SEC14L1: variants seen among roughly 807,000 people sequenced by gnomAD.
The protein encoded by SEC14L1 is SEC14 like lipid binding 1, also known as SEC14-like protein 1.
SEC14L1 carries 48 observed loss-of-function variants against 85.3 expected under a neutral mutation model. That is an observed-to-expected ratio of 0.56 (90% CI 0.45 to 0.72). SEC14L1 has a LOEUF of 0.72. Ranked by LOEUF, SEC14L1 falls within the 30% of genes least tolerant of loss-of-function variation. SEC14L1 has a pLI of 0.00. For synonymous variants in SEC14L1, 391 were observed against 355.5 expected, an observed-to-expected ratio of 1.10 and a Z score of -1.12; for missense variants, 682 against 921.4, an observed-to-expected ratio of 0.74 and a Z score of 3.36.
At position 77,190,912 on chromosome 17, in the gene SEC14L1, G is replaced by A. The variant is rs781370833; in HGVS notation, c.173G>A (p.Arg58His). ...EDGAIHVIER[R>H]CKLDVDAPRL... is the part of the protein sequence containing the mutation. ...GGGGCTATTCATGTCATTGAAAGGC[G>A]CTGCAAGCTGGATGTAGATGCACCC... Residue 58 changes from arginine to histidine, a missense_variant, in exon 4 of 17, where the codon CGC (arginine) becomes CAC (histidine). Arg to His is a conservative substitution (Grantham distance 29, BLOSUM62 0). This residue lies in a region of SEC14L1 where 139 missense variants were observed against 201.3 expected (regional missense o/e 0.69). Transcript: ENST00000436233. 20 of 1,614,086 alleles carry A rather than the reference G, an allele frequency of 1.2e-5. No individual in the cohort carries two copies. Among genetic ancestry groups the A allele is most frequent in the African/African-American group, 2.7e-5 (2 of 74,930 alleles).
At chr17:77,211,861 C>G in intron 14 of SEC14L1, 89 bp from the exon 15 acceptor site, 3 of 1,536,294 alleles carry the variant, frequency 2.0e-6, no homozygotes, top group South Asian at 2.4e-5. Context: ...AGCACCTGCA[C>G]CCTGGATCCC....
chr17:77,133,899 A>G (rs1277802260), intron 3 of SEC14L1, among the ~76,000 whole-genome samples: 2 of 141,972 alleles, frequency 1.4e-5, no homozygotes, highest in Non-Finnish European at 3.0e-5. Context: ...AGATCATGCC[A>G]CTGTACTCCA....
At chr17:77,119,058 C>T (rs1972239722) in intron 3 of SEC14L1, among the ~76,000 whole-genome samples, 1 of 152,040 alleles carries the variant, frequency 6.6e-6, no homozygotes, top group South Asian at 2.1e-4. Flanking sequence ...GTCTGTAATC[C>T]CAGCACTTTG....
intron 9 of SEC14L1, among the ~76,000 whole-genome samples, chr17:77,201,764 T>C (rs1413863377): frequency 6.6e-6 from 1 of 152,196 alleles, no homozygotes; most frequent in Non-Finnish European, 1.5e-5. Context: ...AAATGTGTCT[T>C]ATTAAACGTT....
intron 3 of SEC14L1, chr17:77,093,452 C>T (rs896664488): frequency 1.2e-4 from 19 of 152,174 alleles, no homozygotes; most frequent in African/African-American, 4.3e-4. Flanking sequence ...ACCACATACT[C>T]TGTGGTTCCT....
intron 2 of SEC14L1, among the ~76,000 whole-genome samples, chr17:77,090,255 A>G (rs1371805656): frequency 2.7e-5 from 4 of 150,852 alleles, no homozygotes; most frequent in African/African-American, 7.3e-5. Flanking sequence ...TCGCGCCACT[A>G]TACTGCAGCC....
intron 3 of SEC14L1, among the ~76,000 whole-genome samples, chr17:77,101,267 C>T (rs1293978046): frequency 6.6e-6 from 1 of 152,078 alleles, no homozygotes; most frequent in African/African-American, 2.4e-5. Flanking sequence ...TCACTGCAAC[C>T]CCAGTCTCCC....
chr17:77,211,002 G>C (rs1976723831), intron 14 of SEC14L1: 1 of 152,434 alleles, frequency 6.6e-6, no homozygotes. Context: ...GGATGGAGCT[G>C]CCTGGGGAGC....
At position 77,200,796 on chromosome 17, in the gene SEC14L1, C is replaced by T. The variant is rs1222874843; in HGVS notation, c.1009+123C>T. On this transcript the variant is annotated intron_variant, in intron 9 of 16. Transcript: ENST00000436233. ...CTTGAGTGCATCGTTTCTCCTCACT[C>T]TGAGAATTTGGCACCTTTCCCAAGT... 4.3e-6 allele frequency: 4 copies of T among 924,418 alleles called. No homozygotes were observed. The African/African-American group carries it at 5.0e-5, about 12-fold the overall frequency. 57.3% of individuals were successfully genotyped at this position (924,418 alleles called of 1,614,324 possible).
At chr17:77,195,018 A>T (rs1975734931) in intron 7 of SEC14L1, 107 bp downstream of exon 7, 1 of 767,796 alleles carries the variant, frequency 1.3e-6, no homozygotes, top group South Asian at 1.7e-5. Flanking sequence ...ACATTAGATA[A>T]CTCAGAAAGG....
chr17:77,140,372 C>A (rs1972942795), upstream of SEC14L1, among the ~76,000 whole-genome samples: 1 of 152,238 alleles, frequency 6.6e-6, no homozygotes, highest in Admixed American at 6.5e-5. Flanking sequence ...CCTCCCGAGC[C>A]CTGGGCCGCG....
At chr17:77,153,593 C>T (rs2143584154) in intron 3 of SEC14L1, among the ~76,000 whole-genome samples, 1 of 152,182 alleles carries the variant, frequency 6.6e-6, no homozygotes, top group South Asian at 2.1e-4. Context: ...GTACTGAAAG[C>T]AGGTGAGAGG....
intron 3 of SEC14L1, among the ~76,000 whole-genome samples, chr17:77,117,628 A>C (rs920887704): frequency 6.6e-6 from 1 of 152,184 alleles, no homozygotes. Flanking sequence ...GAATTGCTCA[A>C]GAAAACCCAG....
chr17:77,187,197 G>A (rs1975303441), intron 3 of SEC14L1, among the ~76,000 whole-genome samples: 1 of 152,130 alleles, frequency 6.6e-6, no homozygotes, highest in African/African-American at 2.4e-5. Context: ...CTGGTCCCAG[G>A]CATTTTGGAG....
At position 77,195,404 on chromosome 17, in the gene SEC14L1, C is replaced by T. The variant is rs189869863; in HGVS notation, c.709+493C>T. On this transcript the variant is annotated intron_variant, in intron 7 of 16. Transcript: ENST00000436233. ...TGCCATCTTGGCTCACTGCAACCTC[C>T]GTCTCCCGGGTTCAAGTGATTTTCC... is the stretch of plus-strand genomic sequence containing the variant. Among the ~76,000 whole-genome samples the T allele has an allele frequency of 3.9e-3, 595 of 152,156 alleles. 5 individuals carry two copies. Among genetic ancestry groups the T allele is most frequent in the African/African-American group, 0.014 (571 of 41,528 alleles).
chr17:77,107,815 A>G (rs955575598), intron 3 of SEC14L1, among the ~76,000 whole-genome samples: 1 of 152,220 alleles, frequency 6.6e-6, no homozygotes, highest in Non-Finnish European at 1.5e-5. Context: ...GCTTGCTGAC[A>G]CTATCACAGA....
At chr17:77,195,872 C>T (rs1160487375) in intron 7 of SEC14L1, among the ~76,000 whole-genome samples, 1 of 151,910 alleles carries the variant, frequency 6.6e-6, no homozygotes, top group African/African-American at 2.4e-5. Context: ...TCTTGCAAGT[C>T]CTTTTTGTGT....
At chr17:77,151,494 A>G (rs1386822125) in intron 3 of SEC14L1, among the ~76,000 whole-genome samples, 2 of 152,206 alleles carry the variant, frequency 1.3e-5, no homozygotes, top group Admixed American at 1.3e-4. Flanking sequence ...AGTGTCTTTA[A>G]TGCGCTAGAG....
intron 7 of SEC14L1, 56 bp downstream of exon 7, chr17:77,194,967 G>A (rs568539469): frequency 8.4e-6 from 11 of 1,313,602 alleles, no homozygotes; most frequent in African/African-American, 2.9e-5. Flanking sequence ...CGGCGTTGCC[G>A]TTTTCTCTCT....
Sources: allele counts gnomAD v4.1 joint callset (sites outside exome capture counted in the v4.1 genomes callset), GRCh38; gene constraint gnomAD v4.1.1; regional missense constraint gnomAD v4.1.1; transcripts MANE v1.5; gene names NCBI Gene and HGNC (gene_info 2026-07-23, HGNC 2026-07-21).